Variants in ZNF34 observed in about 807,000 individuals in gnomAD.
The protein encoded by ZNF34 is zinc finger protein 34.
Under a neutral mutation model 14.4 loss-of-function variants are expected in ZNF34, and 8 were observed. That is an observed-to-expected ratio of 0.55 (90% confidence interval 0.33 to 1.00). The LOEUF is 1.00. ZNF34 is among the 50% of genes least tolerant of loss of function. The probability of loss-of-function intolerance (pLI) is 0.03; values close to 1 mark genes in which losing one functional copy is unlikely to be tolerated. For synonymous variants in ZNF34, 235 were observed against 247.9 expected (o/e 0.95, Z 0.49); for missense variants, 538 against 674.2 (o/e 0.80, Z 2.24).
At chr8:144,778,744 T>A (rs1369714068) in intron 2 of ZNF34, among the ~76,000 whole-genome samples, 1 of 151,928 alleles carries the variant, frequency 6.6e-6, no homozygotes, top group Non-Finnish European at 1.5e-5. Flanking sequence ...CTTTTTTTTT[T>A]AATGACATGA....
chr8:144,773,213 G>A lies in ZNF34; in HGVS notation c.*53C>T. The A allele has an allele frequency of 3.3e-6, 5 of 1,530,350 alleles. No homozygotes were observed. The highest frequency in any genetic ancestry group is 4.4e-6 in the Non-Finnish European group (5 of 1,135,898). 94.8% of individuals were successfully genotyped at this position (1,530,350 alleles called of 1,614,324 possible). ...ATAAAGGGCAGAGTCAGGTGCCGGG[G>A]GCGCATGCAGGAAGTGCTCAGCTGG... On this transcript the variant is annotated 3_prime_UTR_variant, in exon 6 of 6. Coordinates refer to ENST00000429371, the MANE Select transcript of ZNF34 (RefSeq NM_001286769.2). The surrounding 1 kb of genome is among the most constrained non-coding windows in gnomAD (Gnocchi z 5.4).
chr8:144,782,034 C>T (rs1825919766), intron 1 of ZNF34, among the ~76,000 whole-genome samples: 1 of 150,266 alleles, frequency 6.7e-6, no homozygotes, highest in East Asian at 2.0e-4. Context: ...AAAAAATACA[C>T]AACTTGGGGC....
chr8:144,773,063 C>G lies in ZNF34; in HGVS notation c.*203G>C. The stretch of plus-strand genomic sequence containing the variant: ...TAAGTGGGAGAGATCACAGAAGCTT[C>G]TTTTTTGCCCACTTTTCTGTCTCAA... On this transcript the variant is annotated 3_prime_UTR_variant, in exon 6 of 6. Coordinates refer to ENST00000429371, the MANE Select transcript of ZNF34 (RefSeq NM_001286769.2). The surrounding 1 kb of genome is among the most constrained non-coding windows in gnomAD (Gnocchi z 5.4). 3.5e-5 allele frequency: 19 copies of G among 544,056 alleles called. No homozygotes were observed. The highest frequency in any genetic ancestry group is 4.2e-4 in the Middle Eastern group (1 of 2,362). 33.7% of individuals were successfully genotyped at this position (544,056 alleles called of 1,614,324 possible). A position where few individuals can be genotyped will look rare whatever the true frequency, so the allele number is the denominator to read the frequency against.
rs1041392610 is a variant in ZNF34 at position 144,782,922 on chromosome 8, CA to C, written c.-107-2643del. On this transcript the variant is annotated intron_variant, in intron 1 of 5. Coordinates refer to ENST00000429371, the MANE Select transcript of ZNF34 (RefSeq NM_001286769.2). ...GTAGAAAAGGAAATGTTATCAGGAA[CA>C]AAAAAGGAAAGAGTGTATATTTAGG... 1.1e-4 allele frequency among the ~76,000 whole-genome samples: 9 copies of C among 82,396 alleles called. 1 individual carries two copies. The highest frequency in any genetic ancestry group is 4.9e-4 in the African/African-American group (9 of 18,232). 54.1% of individuals were successfully genotyped at this position (82,396 alleles called of 152,430 possible).
Position 144,773,529 on chromosome 8 carries a change from G to A in ZNF34, c.1357C>T (p.Pro453Ser). 1 of 1,614,208 alleles carries A rather than the reference G, an allele frequency of 6.2e-7. No homozygotes were observed. The highest frequency in any genetic ancestry group is 8.5e-7 in the Non-Finnish European group (1 of 1,180,026). ...TTCCCACACTCGCTGCACTTGTAGG[G>A]CTTCTCTCCTGTGTGGATTCTCTGG... ...QHQRIHTGEK[P>S]YKCSECGKAF... The change falls in exon 6 of 6, where the codon CCC (proline) becomes TCC (serine). Residue 453 changes from proline to serine, a missense_variant. Physicochemically the swap from Pro to Ser is moderately conservative, Grantham distance 74. Transcript: ENST00000429371. The surrounding 1 kb of genome is among the most constrained non-coding windows in gnomAD (Gnocchi z 5.4).
rs1825261440 is a variant in ZNF34, at chr8:144,773,127, A to C, written c.*139T>G. 1.1e-6 allele frequency: 1 copy of C among 949,934 alleles called. No homozygotes were observed. 58.8% of individuals were successfully genotyped at this position (949,934 alleles called of 1,614,324 possible). On this transcript the variant is annotated 3_prime_UTR_variant, in exon 6 of 6. Transcript: ENST00000429371. The surrounding 1 kb of genome is among the most constrained non-coding windows in gnomAD (Gnocchi z 5.4). ...AACATGCACTGCTTTTGATTTAAGA[A>C]AAGAGGTTTGTTTAATGAGAAACGT...
In ZNF34 at chr8:144,780,225, C is replaced by A. The variant is rs1291658638; in HGVS notation, c.-55+3G>T. ...ATAAATAAGTAAAATAAGATTGACT[C>A]ACCTACCAGAAGCATGAGACTCTCG... On this transcript the variant is annotated splice_donor_region_variant and intron_variant, in intron 2 of 5. Transcript: ENST00000429371. The A allele has an allele frequency of 1.9e-6, 3 of 1,547,608 alleles. No homozygotes were observed. The highest frequency in any genetic ancestry group is 2.4e-5 in the East Asian group (1 of 40,818).
intron 1 of ZNF34, among the ~76,000 whole-genome samples, chr8:144,786,841 T>C (rs1826274593): frequency 6.6e-6 from 1 of 151,614 alleles, no homozygotes; most frequent in Admixed American, 6.6e-5. Flanking sequence ...GGGGCGGCAT[T>C]CGCAGAGGGC....
At chr8:144,778,546 A>G (rs1825675831) in intron 2 of ZNF34, 21 bp from the exon 3 acceptor site, 1 of 1,532,266 alleles carries the variant, frequency 6.5e-7, no homozygotes, top group South Asian at 1.2e-5. Flanking sequence ...AGAACGCAAC[A>G]AGTGGAGGCC....
intron 5 of ZNF34, among the ~76,000 whole-genome samples, chr8:144,775,473 T>A (rs1279122644): frequency 1.3e-5 from 2 of 152,198 alleles, no homozygotes; most frequent in Non-Finnish European, 2.9e-5. Context: ...GACAACTGAA[T>A]GTCCTCCACA....
Position 144,774,555 on chromosome 8 carries a change from C to T in ZNF34, c.331G>A (p.Gly111Ser). 1 of 1,613,924 alleles carries T rather than the reference C, an allele frequency of 6.2e-7. No homozygotes were observed. The highest frequency in any genetic ancestry group is 2.2e-5 in the East Asian group (1 of 44,876). The change falls in exon 6 of 6, where the codon GGT becomes AGT. Residue 111 changes from glycine to serine, a missense_variant. Gly to Ser is a moderately conservative substitution (Grantham distance 56, BLOSUM62 0). Coordinates refer to ENST00000429371, the MANE Select transcript of ZNF34 (RefSeq NM_001286769.2). ...TCAGATCCCTGGGGATCTTCCTCAC[C>T]AAATGTCTCCTGTGAAGTCAACTCC... Reference protein sequence around the residue: ...YKELTSQETFGEEDPQGSEPV... With the variant: ...YKELTSQETFSEEDPQGSEPV...
Position 144,773,223 on chromosome 8 carries a change from G to C in ZNF34, c.*43C>G. 1.3e-6 allele frequency: 2 copies of C among 1,550,592 alleles called. No homozygotes were observed. The highest frequency in any genetic ancestry group is 1.4e-5 in the African/African-American group (1 of 73,702). On this transcript the variant is annotated 3_prime_UTR_variant, in exon 6 of 6. Coordinates refer to ENST00000429371, the MANE Select transcript of ZNF34 (RefSeq NM_001286769.2). The surrounding 1 kb of genome is among the most constrained non-coding windows in gnomAD (Gnocchi z 5.4). ...GAGTCAGGTGCCGGGGGCGCATGCA[G>C]GAAGTGCTCAGCTGGACTCTGCCCT... is the stretch of plus-strand genomic sequence containing the variant.
chr8:144,774,201 A>T lies in ZNF34; in HGVS notation c.685T>A (p.Leu229Met). The change falls in exon 6 of 6, where the codon TTG becomes ATG. Residue 229 changes from leucine to methionine, a missense_variant. Around this residue, in one of 3 missense-constraint regions of ZNF34, gnomAD observed 431 missense variants for 525.7 expected, o/e 0.82. Coordinates refer to ENST00000429371, the MANE Select transcript of ZNF34 (RefSeq NM_001286769.2). Reference protein sequence around the residue: ...EDQKIPTGKKLHYCSYCGKTF... With the variant: ...EDQKIPTGKKMHYCSYCGKTF... ...TTCCCACAGTAACTGCAATAATGCA[A>T]TTTTTTCCCAGTAGGAATTTTCTGA... is the stretch of plus-strand genomic sequence containing the variant. 1 of 1,613,442 alleles carries T rather than the reference A, an allele frequency of 6.2e-7. No individual in the cohort carries two copies. The highest frequency in any genetic ancestry group is 1.1e-5 in the South Asian group (1 of 91,064).
chr8:144,781,352 T>C (rs1056552014), intron 1 of ZNF34, among the ~76,000 whole-genome samples: 2 of 150,012 alleles, frequency 1.3e-5, no homozygotes, highest in African/African-American at 4.9e-5. Flanking sequence ...CACTGCAAGC[T>C]CTGCCTCCCG....
At chr8:144,785,534 C>T (rs1408538100) in intron 1 of ZNF34, 1 of 152,198 alleles carries the variant, frequency 6.6e-6, no homozygotes, top group Admixed American at 6.5e-5. Flanking sequence ...TGGGATCACG[C>T]CTGCGAGTGG....
chr8:144,784,052 C>T (rs1183698087), intron 1 of ZNF34, among the ~76,000 whole-genome samples: 2 of 151,298 alleles, frequency 1.3e-5, no homozygotes, highest in African/African-American at 4.9e-5. Context: ...CCCAGCTACT[C>T]GGGAGGCTGA....
chr8:144,780,397 G>A (rs1825789335), intron 1 of ZNF34, 117 bp from the exon 2 acceptor site: 1 of 786,854 alleles, frequency 1.3e-6, no homozygotes. Context: ...TTTTATTTAA[G>A]TATATTTTTA....
In ZNF34 at chr8:144,778,055, C is replaced by T. The variant is rs538162250; in HGVS notation, c.143G>A (p.Gly48Glu). Residue 48 changes from glycine to glutamate, a missense_variant, in exon 4 of 6, where the codon GGG becomes GAG. Transcript: ENST00000429371. ...LYRDVMLETY[G>E]NLVSLGVGPA... is the part of the protein sequence containing the mutation. The stretch of plus-strand genomic sequence containing the variant: ...GGCCTTACCCAGTGAGACTAGGTTC[C>T]CGTAGGTCTCCAGCATCACGTCCCT... The T allele has an allele frequency of 8.1e-6, 13 of 1,613,886 alleles. No individual in the cohort carries two copies. Among genetic ancestry groups the T allele is most frequent in the Admixed American group, 1.7e-5 (1 of 59,956 alleles).
At position 144,774,604 on chromosome 8, in the gene ZNF34, AGCTG is replaced by A. The variant is rs1425836433; in HGVS notation, c.281-3_281del. On this transcript the variant is annotated splice_acceptor_variant and splice_polypyrimidine_tract_variant and coding_sequence_variant and intron_variant, in exon 6 of 6. Transcript: ENST00000429371. LOFTEE classifies it high-confidence loss of function. Reference sequence around the variant, plus strand: ...CCTTGTACTCAGTTCTGGTCCCAAGAGCTGAAACAAAAAACAGAACATCTAAGGG... The same window carrying A: ...CCTTGTACTCAGTTCTGGTCCCAAGAAAACAAAAAACAGAACATCTAAGGG... 12 of 1,607,204 alleles carry A rather than the reference AGCTG, an allele frequency of 7.5e-6. No homozygotes were observed. The highest frequency in any genetic ancestry group is 5.1e-5 in the Admixed American group (3 of 58,904).
Sources: gnomAD v4.1 joint callset for allele counts (sites outside exome capture counted in the v4.1 genomes callset) on GRCh38, gnomAD v4.1.1 for gene constraint, gnomAD v4.1.1 regional missense constraint, Gnocchi (gnomAD v3.1) non-coding constraint, MANE v1.5 for transcripts, NCBI Gene and HGNC (gene_info 2026-07-23, HGNC 2026-07-21) for gene names.